MYO5C: variants seen among roughly 807,000 people sequenced by gnomAD.
MYO5C encodes unconventional myosin-Vc.
MYO5C carries 194 observed loss-of-function variants against 235.7 expected under a neutral mutation model. The ratio of observed to expected loss-of-function variants is 0.82; its 90% confidence interval spans 0.73 to 0.93. The LOEUF is 0.93. Among genes scored for constraint, MYO5C ranks in the 40% least tolerant of loss-of-function variants. MYO5C has a pLI of 0.00. For synonymous variants in MYO5C, 707 were observed against 754.8 expected, an observed-to-expected ratio of 0.94 and a Z score of 1.04; for missense variants, 2,038 against 2,127.2, an observed-to-expected ratio of 0.96 and a Z score of 0.82.
chr15:52,205,991 T>C (rs372141880), intron 36 of MYO5C, 25 bp from the exon 37 acceptor site: 2 of 1,376,662 alleles, frequency 1.5e-6, no homozygotes, highest in Non-Finnish European at 2.0e-6. Flanking sequence ...AAACATAAAA[T>C]ATTAGAATAA....
chr15:52,293,217 G>C (rs148361904), intron 1 of MYO5C, among the ~76,000 whole-genome samples: 1,670 of 152,218 alleles, frequency 0.011, 32 homozygotes, highest in African/African-American at 0.039. Flanking sequence ...TGTTCCCACA[G>C]GGTGGCTTCC....
intron 13 of MYO5C, among the ~76,000 whole-genome samples, chr15:52,250,168 T>C (rs1338362886): frequency 6.6e-6 from 1 of 152,188 alleles, no homozygotes; most frequent in Non-Finnish European, 1.5e-5. Flanking sequence ...GATCATTTCA[T>C]TTCATAGGCA....
intron 1 of MYO5C, 101 bp downstream of exon 1, chr15:52,295,509 G>A (rs1445875168): frequency 2.2e-6 from 3 of 1,356,542 alleles, no homozygotes; most frequent in East Asian, 3.1e-5. Flanking sequence ...GCCGTGTCAG[G>A]TGCGCAGGTG....
At chr15:52,212,183 TAAGA>T (rs2035456937) in intron 34 of MYO5C, among the ~76,000 whole-genome samples, 1 of 152,150 alleles carries the variant, frequency 6.6e-6, no homozygotes, top group Non-Finnish European at 1.5e-5. Flanking sequence ...ACCCCCATTG[TAAGA>T]AAGAAACTCC....
In MYO5C at chr15:52,244,345, T is replaced by C; in HGVS notation, c.2390+11A>G. 1 of 1,609,850 alleles carries C rather than the reference T, an allele frequency of 6.2e-7. No individual in the cohort carries two copies. The highest frequency in any genetic ancestry group is 8.5e-7 in the Non-Finnish European group (1 of 1,177,696). Reference sequence around the variant, plus strand: ...CCACAGTTCCACATGTGTTCCTTGATTCCAACATACCTCACAGTTTGCTGA... The same window carrying C: ...CCACAGTTCCACATGTGTTCCTTGACTCCAACATACCTCACAGTTTGCTGA... On this transcript the variant is annotated intron_variant, in intron 19 of 40. Transcript: ENST00000261839.
At chr15:52,241,941 G>C (rs1409430484) in intron 20 of MYO5C, 107 bp downstream of exon 20, 1 of 1,281,558 alleles carries the variant, frequency 7.8e-7, no homozygotes, top group African/African-American at 1.5e-5. Flanking sequence ...CTGACACTTT[G>C]TACAAAGTGA....
chr15:52,283,273 T>A (rs1185788686), intron 1 of MYO5C, among the ~76,000 whole-genome samples: 1 of 152,232 alleles, frequency 6.6e-6, no homozygotes, highest in Non-Finnish European at 1.5e-5. Flanking sequence ...AGTGCCTCAT[T>A]TTACTCATCC....
chr15:52,266,998 T>C (rs183102875), intron 8 of MYO5C, among the ~76,000 whole-genome samples: 316 of 152,282 alleles, frequency 2.1e-3, no homozygotes, highest in Non-Finnish European at 3.6e-3. Flanking sequence ...GTCTAAAACT[T>C]CTAAGTCTGT....
At chr15:52,271,916 A>AGG (rs1325568184) in intron 6 of MYO5C, 72 bp from the exon 7 acceptor site, 10 of 908,530 alleles carry the variant, frequency 1.1e-5, no homozygotes, top group South Asian at 3.2e-5. Context: ...TTTTAACTAG[A>AGG]GGGTCCTAGA....
At chr15:52,230,427 G>A (rs2035921444) in intron 24 of MYO5C, among the ~76,000 whole-genome samples, 1 of 150,112 alleles carries the variant, frequency 6.7e-6, no homozygotes, top group African/African-American at 2.4e-5. Flanking sequence ...TTTTTGAGAT[G>A]GAGTTTTGCT....
chr15:52,270,628 G>GTATGTGTA (rs137899232), intron 7 of MYO5C, among the ~76,000 whole-genome samples: 5,028 of 148,702 alleles, frequency 0.034, 134 homozygotes, highest in East Asian at 0.15. Context: ...ATATATAAAT[G>GTATGTGTA]TATGTGTATA....
At chr15:52,256,393 TATCC>T (rs1046318933) in intron 11 of MYO5C, among the ~76,000 whole-genome samples, 5 of 152,100 alleles carry the variant, frequency 3.3e-5, no homozygotes, top group Admixed American at 6.5e-5. Flanking sequence ...AGAGGGTCTG[TATCC>T]AAGAAGGGCA....
chr15:52,291,318 T>C (rs796645585), intron 1 of MYO5C, among the ~76,000 whole-genome samples: 3 of 152,308 alleles, frequency 2.0e-5, no homozygotes, highest in African/African-American at 7.2e-5. Flanking sequence ...TTGGTGGCAC[T>C]GTCACTCTCC....
intron 20 of MYO5C, among the ~76,000 whole-genome samples, chr15:52,241,751 T>TGAGAGA (rs56402436): frequency 9.3e-5 from 14 of 150,252 alleles, no homozygotes; most frequent in African/African-American, 2.9e-4. Flanking sequence ...TGTGTGTGTG[T>TGAGAGA]GAGAGAGAGA....
intron 1 of MYO5C, among the ~76,000 whole-genome samples, chr15:52,283,352 A>G (rs2037199501): frequency 6.6e-6 from 1 of 152,214 alleles, no homozygotes; most frequent in Non-Finnish European, 1.5e-5. Flanking sequence ...TTGTACTTGA[A>G]AGAACTTTGT....
At chr15:52,232,593 G>C in intron 24 of MYO5C, 29 bp downstream of exon 24, 1 of 1,605,568 alleles carries the variant, frequency 6.2e-7, no homozygotes, top group Non-Finnish European at 8.5e-7. Context: ...AAGAAAGAAA[G>C]TAGCTTTAAG....
intron 35 of MYO5C, among the ~76,000 whole-genome samples, chr15:52,210,991 C>T (rs574679283): frequency 6.2e-4 from 94 of 152,326 alleles, no homozygotes; most frequent in African/African-American, 1.9e-3. Flanking sequence ...ATACCATACA[C>T]ACATGGTCTG....
In MYO5C at chr15:52,253,376, C is replaced by G. The variant is rs1214127020; in HGVS notation, c.1477G>C (p.Val493Leu). Residue 493 changes from valine to leucine, a missense_variant, in exon 12 of 41, where the codon GTT becomes CTT. Val to Leu is a conservative substitution (Grantham distance 32). Transcript: ENST00000261839. ...ATTTTTGCTTCAATCAGGTCAATAA[C>G]TGGTTGATTGTCATAAAAATCTATC... ...TLIDFYDNQP[V>L]IDLIEAKMGI... is the part of the protein sequence containing the mutation. The G allele has an allele frequency of 6.2e-7, 1 of 1,613,906 alleles. No homozygotes were observed. The highest frequency in any genetic ancestry group is 1.1e-5 in the South Asian group (1 of 91,054).
At chr15:52,272,503 T>A (rs1225928124) in intron 6 of MYO5C, 77 bp downstream of exon 6, 1 of 1,405,502 alleles carries the variant, frequency 7.1e-7, no homozygotes, top group African/African-American at 1.4e-5. Context: ...ATAGTGTAGC[T>A]TGCCTGAGTA....
Sources: allele counts gnomAD v4.1 joint callset (sites outside exome capture counted in the v4.1 genomes callset), GRCh38; gene constraint gnomAD v4.1.1; transcripts MANE v1.5; gene names NCBI Gene and HGNC (gene_info 2026-07-23, HGNC 2026-07-21).